ALK: variants seen among roughly 807,000 people sequenced by gnomAD.
ALK encodes the protein ALK receptor tyrosine kinase.
ALK carries 74 observed loss-of-function variants against 163.1 expected under a neutral mutation model. The observed-to-expected ratio is 0.45, with a 90% CI of 0.38 to 0.55. The LOEUF (loss-of-function observed/expected upper bound fraction) is 0.55, where lower values mean the gene tolerates loss of function less well. Among genes scored for constraint, ALK ranks in the 20% least tolerant of loss-of-function variants. The pLI is 0.00. For missense variants in ALK, 2,063 were observed against 2,105.3 expected (o/e 0.98, Z 0.39); for synonymous variants, 960 against 843.2 (o/e 1.14, Z -2.40).
intron 1 of ALK, among the ~76,000 whole-genome samples, chr2:29,786,928 T>C (rs1014457048): frequency 6.6e-6 from 1 of 152,178 alleles, no homozygotes. Context: ...CCCGAGTAGC[T>C]GGGACTATAG....
intron 3 of ALK, among the ~76,000 whole-genome samples, chr2:29,605,645 G>C (rs1284672866): frequency 6.6e-6 from 1 of 152,152 alleles, no homozygotes; most frequent in East Asian, 1.9e-4. Context: ...GGCCGTCTAC[G>C]AGCCAGGAAG....
chr2:29,827,913 A>G (rs549404256), intron 1 of ALK, among the ~76,000 whole-genome samples: 9 of 152,336 alleles, frequency 5.9e-5, no homozygotes, highest in African/African-American at 2.2e-4. Context: ...CTGACTTCAA[A>G]CTATACTACA....
At chr2:29,745,954 C>G (rs1680197843) in intron 1 of ALK, among the ~76,000 whole-genome samples, 1 of 152,224 alleles carries the variant, frequency 6.6e-6, no homozygotes, top group African/African-American at 2.4e-5. Flanking sequence ...TCAAGCCCCA[C>G]TATGGAAAAA....
chr2:29,834,956 T>C (rs1238828732), intron 1 of ALK, among the ~76,000 whole-genome samples: 1 of 152,208 alleles, frequency 6.6e-6, no homozygotes, highest in Non-Finnish European at 1.5e-5. Context: ...TGTAACTCAT[T>C]CAGAGCTCAT....
At chr2:29,716,301 C>T (rs1679252020) in intron 2 of ALK, among the ~76,000 whole-genome samples, 1 of 152,124 alleles carries the variant, frequency 6.6e-6, no homozygotes, top group Middle Eastern at 3.2e-3. Flanking sequence ...GTGGTTATTG[C>T]CATTGAAAGT....
At chr2:29,756,674 G>C (rs1373946760) in intron 1 of ALK, among the ~76,000 whole-genome samples, 9 of 151,974 alleles carry the variant, frequency 5.9e-5, no homozygotes, top group South Asian at 2.1e-4. Flanking sequence ...TTACAGGCAC[G>C]CACCACCACG....
chr2:29,299,282 G>T (rs997538462), intron 8 of ALK, among the ~76,000 whole-genome samples: 2 of 152,160 alleles, frequency 1.3e-5, no homozygotes, highest in African/African-American at 4.8e-5. Context: ...GCTCATCTGT[G>T]ACTTGGGCTC....
chr2:29,326,492 G>C (rs1667266120), intron 6 of ALK, among the ~76,000 whole-genome samples: 1 of 152,178 alleles, frequency 6.6e-6, no homozygotes, highest in Admixed American at 6.5e-5. Flanking sequence ...AAACACTGCA[G>C]ACACAAATAA....
chr2:29,747,047 A>G lies in ALK; in HGVS notation c.668-29350T>C, dbSNP rs1313720017. On this transcript the variant is annotated intron_variant, in intron 1 of 28. Coordinates refer to ENST00000389048, the MANE Select transcript of ALK (RefSeq NM_004304.5). ...CCTTCTCAAAGCCCTTGGCAATGAC[A>G]TCTGACCTTTCCTTCACTAGTTCCA... Among the ~76,000 whole-genome samples, 3 of 152,204 alleles carry G rather than the reference A, an allele frequency of 2.0e-5. No homozygotes were observed. The East Asian group carries it at 5.8e-4, about 29-fold the overall frequency.
intron 1 of ALK, among the ~76,000 whole-genome samples, chr2:29,829,653 G>T (rs918248827): frequency 1.3e-5 from 2 of 152,176 alleles, no homozygotes; most frequent in Non-Finnish European, 2.9e-5. Context: ...TTCACCTAAG[G>T]GGGGTAAAAT....
At chr2:29,534,820 A>G (rs553100227) in intron 3 of ALK, among the ~76,000 whole-genome samples, 7 of 152,158 alleles carry the variant, frequency 4.6e-5, no homozygotes, top group South Asian at 2.1e-4. Context: ...GAAATTTGGC[A>G]CCTCAATAAT....
Position 29,251,111 on chromosome 2 carries a change from G to T in ALK, c.2198C>A (p.Thr733Asn). ...CCCCCTCTTCCATACGCACCTGTAG[G>T]TGTCGGTGGCTGGCACCTTCCAGAT... ...IQIWKVPATD[T>N]YSISGYGAAG... The change falls in exon 12 of 29, where the codon ACC becomes AAC. Residue 733 changes from threonine (T) to asparagine (N), a missense_variant. Thr to Asn is a moderately conservative substitution (Grantham distance 65, BLOSUM62 0). Around this residue, in one of 5 missense-constraint regions of ALK, gnomAD observed 15 missense variants for 33.5 expected, o/e 0.45. Coordinates refer to ENST00000389048, the MANE Select transcript of ALK (RefSeq NM_004304.5). 2 of 1,614,018 alleles carry T rather than the reference G, an allele frequency of 1.2e-6. No individual in the cohort carries two copies. The highest frequency in any genetic ancestry group is 1.7e-6 in the Non-Finnish European group (2 of 1,179,972).
chr2:29,539,049 A>ACACAC (rs1673339634), intron 3 of ALK, among the ~76,000 whole-genome samples: 1 of 151,328 alleles, frequency 6.6e-6, no homozygotes, highest in Non-Finnish European at 1.5e-5. Context: ...TCTCTTCCAC[A>ACACAC]CCCCCCTCCC....
At chr2:29,699,267 C>G (rs996154227) in intron 2 of ALK, among the ~76,000 whole-genome samples, 9 of 152,326 alleles carry the variant, frequency 5.9e-5, no homozygotes, top group African/African-American at 2.2e-4. Context: ...TGGCGGTCTT[C>G]CACGCACTGT....
intron 3 of ALK, among the ~76,000 whole-genome samples, chr2:29,640,997 GTCGGGACAT>G (rs1362845390): frequency 1.3e-5 from 2 of 152,166 alleles, no homozygotes; most frequent in African/African-American, 4.8e-5. Context: ...AACTGGAGAT[GTCGGGACAT>G]TCCAGAAGCT....
At chr2:29,898,766 AAG>A (rs1176471871) in intron 1 of ALK, among the ~76,000 whole-genome samples, 2 of 152,144 alleles carry the variant, frequency 1.3e-5, no homozygotes, top group East Asian at 3.9e-4. Flanking sequence ...GATGTTCAGA[AAG>A]AGAGAAGCTT....
At chr2:29,345,074 G>T (rs994699414) in intron 5 of ALK, among the ~76,000 whole-genome samples, 1 of 152,120 alleles carries the variant, frequency 6.6e-6, no homozygotes. Flanking sequence ...GCACAAAATA[G>T]CTTCATCAAA....
intron 9 of ALK, among the ~76,000 whole-genome samples, chr2:29,284,697 A>G (rs1665805616): frequency 6.6e-6 from 1 of 152,254 alleles, no homozygotes; most frequent in Non-Finnish European, 1.5e-5. Context: ...AATCAGCGTT[A>G]GAAATAAGAT....
chr2:29,218,593 G>C (rs1669702530), intron 23 of ALK, among the ~76,000 whole-genome samples: 1 of 152,176 alleles, frequency 6.6e-6, no homozygotes, highest in Admixed American at 6.5e-5. Context: ...GGGAGAGATA[G>C]AGACACACCA....
Sources: allele counts gnomAD v4.1 joint callset (sites outside exome capture counted in the v4.1 genomes callset), GRCh38; gene constraint gnomAD v4.1.1; regional missense constraint gnomAD v4.1.1; transcripts MANE v1.5; gene names NCBI Gene and HGNC (gene_info 2026-07-23, HGNC 2026-07-21).